MAN1A2: variants seen among roughly 807,000 people sequenced by gnomAD.
MAN1A2 encodes mannosyl-oligosaccharide 1,2-alpha-mannosidase IB.
Under a neutral mutation model 75.7 loss-of-function variants are expected in MAN1A2, and 26 were observed. The ratio of observed to expected loss-of-function variants is 0.34; its 90% CI spans 0.25 to 0.48. The LOEUF is 0.48. MAN1A2 is among the 20% of genes least tolerant of loss of function. The pLI is 0.99. For synonymous variants in MAN1A2, 247 were observed against 264.6 expected (o/e 0.93, Z 0.65); for missense variants, 562 against 775.5 (o/e 0.72, Z 3.27).
intron 3 of MAN1A2, among the ~76,000 whole-genome samples, chr1:117,405,847 T>C (rs372232325): frequency 1.3e-5 from 2 of 152,324 alleles, no homozygotes; most frequent in East Asian, 3.9e-4. Flanking sequence ...AGATTTTCTA[T>C]TTACATATGG....
intron 8 of MAN1A2, among the ~76,000 whole-genome samples, chr1:117,477,260 G>T (rs1272190772): frequency 6.6e-6 from 1 of 151,938 alleles, no homozygotes. Flanking sequence ...AGTAGAAAAA[G>T]AGGGAAATCC....
Position 117,526,880 on chromosome 1 carries a change from C to CTCTCTCTCTCTCTATATATATATATA in MAN1A2, c.*3924_*3925insCTCTCTCTCTCTATATATATATATAT. On this transcript the variant is annotated 3_prime_UTR_variant, in exon 13 of 13. Coordinates refer to ENST00000356554, the MANE Select transcript of MAN1A2 (RefSeq NM_006699.5). ...TCTCTCTCTCTCTCTCTCTCTCTCTCTATATATATATATATATATATATAT... is the reference window on the plus strand; with the variant it reads ...TCTCTCTCTCTCTCTCTCTCTCTCTCTCTCTCTCTCTCTATATATATATATATATATATATATATATATATATATAT... 10 of 54,514 alleles carry CTCTCTCTCTCTCTATATATATATATA rather than the reference C, an allele frequency of 1.8e-4. No individual in the cohort carries two copies. Among genetic ancestry groups the CTCTCTCTCTCTCTATATATATATATA allele is most frequent in the African/African-American group, 3.3e-4 (4 of 12,286 alleles). The allele number at this position is 54,514 out of a possible 1,614,324, so 3.4% of individuals were successfully genotyped here. A position where few individuals can be genotyped will look rare whatever the true frequency, so the allele number is the denominator to read the frequency against.
At chr1:117,519,455 A>C (rs1406273411) in intron 12 of MAN1A2, among the ~76,000 whole-genome samples, 6 of 152,052 alleles carry the variant, frequency 3.9e-5, no homozygotes, top group African/African-American at 1.4e-4. Context: ...AAGAAAAGAA[A>C]GAAAATTCAA....
chr1:117,509,864 C>A (rs1651476925), intron 12 of MAN1A2, among the ~76,000 whole-genome samples: 2 of 151,446 alleles, frequency 1.3e-5, no homozygotes, highest in African/African-American at 4.8e-5. Flanking sequence ...ATCTCACTTC[C>A]CAAAGAGAAT....
intron 6 of MAN1A2, among the ~76,000 whole-genome samples, chr1:117,442,811 G>T (rs1649080975): frequency 6.6e-6 from 1 of 151,646 alleles, no homozygotes; most frequent in Admixed American, 6.6e-5. Context: ...GATGTTGACT[G>T]CGGGGTTTTT....
intron 12 of MAN1A2, among the ~76,000 whole-genome samples, chr1:117,521,267 A>C (rs1651863959): frequency 6.6e-6 from 1 of 152,096 alleles, no homozygotes; most frequent in African/African-American, 2.4e-5. Context: ...TTCATGACCA[A>C]GAACCCAAAA....
At chr1:117,498,743 TTTAA>T (rs1651107927) in intron 10 of MAN1A2, among the ~76,000 whole-genome samples, 1 of 151,926 alleles carries the variant, frequency 6.6e-6, no homozygotes, top group African/African-American at 2.4e-5. Context: ...ATTTAGATCC[TTTAA>T]TTAAAAAGTA....
Position 117,414,838 on chromosome 1 carries a change from GTATGA to G in MAN1A2, c.774+9_774+13del. The G allele has an allele frequency of 6.8e-7, 1 of 1,478,102 alleles. No homozygotes were observed. The highest frequency in any genetic ancestry group is 1.1e-5 in the South Asian group (1 of 88,214). 91.6% of individuals were successfully genotyped at this position (1,478,102 alleles called of 1,614,324 possible). On this transcript the variant is annotated splice_region_variant and intron_variant, in intron 4 of 12. Coordinates refer to ENST00000356554, the MANE Select transcript of MAN1A2 (RefSeq NM_006699.5). ...CAACCTTGATTTCAGTGTGGTGAGT[GTATGA>G]TTGATAACTAATCTCTTAGATTAAC...
At chr1:117,436,988 G>C (rs1648870124) in intron 5 of MAN1A2, among the ~76,000 whole-genome samples, 1 of 152,158 alleles carries the variant, frequency 6.6e-6, no homozygotes, top group African/African-American at 2.4e-5. Flanking sequence ...TTTTAAGAGG[G>C]AAGTGTGTGT....
intron 6 of MAN1A2, among the ~76,000 whole-genome samples, chr1:117,447,986 A>G (rs1570752035): frequency 6.6e-6 from 1 of 152,284 alleles, no homozygotes; most frequent in East Asian, 1.9e-4. Context: ...TGGAAATAGC[A>G]TTGAATCTAT....
intron 6 of MAN1A2, among the ~76,000 whole-genome samples, chr1:117,450,575 C>T (rs1649377967): frequency 6.6e-6 from 1 of 152,168 alleles, no homozygotes; most frequent in South Asian, 2.1e-4. Flanking sequence ...GTCTTCATGG[C>T]AGCCCCTCCC....
At chr1:117,445,991 T>C (rs936477768) in intron 6 of MAN1A2, among the ~76,000 whole-genome samples, 1 of 148,318 alleles carries the variant, frequency 6.7e-6, no homozygotes, top group Non-Finnish European at 1.5e-5. Context: ...ATATATCTTA[T>C]ATTCAGATTT....
Position 117,405,584 on chromosome 1 carries a change from T to C in MAN1A2, c.594T>C (p.Tyr198=), listed in dbSNP as rs185490816. The stretch of plus-strand genomic sequence containing the variant: ...ATGCTTGGGATAACTATAGGACATA[T>C]GGGTGGGGACATAATGAACTCAGAC... ...MKHAWDNYRT[Y]GWGHNELRPI... is the part of the protein sequence containing the mutation. The change falls in exon 3 of 13, where the codon TAT becomes TAC. Residue 198 remains tyrosine (Y), a synonymous_variant. Coordinates refer to ENST00000356554, the MANE Select transcript of MAN1A2 (RefSeq NM_006699.5). The C allele has an allele frequency of 1.2e-6, 2 of 1,607,566 alleles. No individual in the cohort carries two copies. The highest frequency in any genetic ancestry group is 2.2e-5 in the East Asian group (1 of 44,754).
At chr1:117,439,608 C>G (rs1475746203) in intron 5 of MAN1A2, among the ~76,000 whole-genome samples, 2 of 152,070 alleles carry the variant, frequency 1.3e-5, no homozygotes, top group Non-Finnish European at 2.9e-5. Flanking sequence ...ATTCTCCGGC[C>G]TCAGCCTCCT....
At position 117,367,613 on chromosome 1, in the gene MAN1A2, C is replaced by A. The variant is rs929956668; in HGVS notation, c.-571C>A. The A allele has an allele frequency of 6.6e-6, 1 of 152,376 alleles. No individual in the cohort carries two copies. Among genetic ancestry groups the A allele is most frequent in the Non-Finnish European group, 1.5e-5 (1 of 68,138 alleles). 9.4% of individuals were successfully genotyped at this position (152,376 alleles called of 1,614,324 possible). A position where few individuals can be genotyped will look rare whatever the true frequency, so the allele number is the denominator to read the frequency against. On this transcript the variant is annotated 5_prime_UTR_variant, in exon 1 of 13. Coordinates refer to ENST00000356554, the MANE Select transcript of MAN1A2 (RefSeq NM_006699.5). ...GCCGGGAAGCGCGGGCGGCCGAGAA[C>A]TCCTTCCTGCTACTTCGCCCAGCGC...
chr1:117,458,527 T>A (rs12063924), intron 6 of MAN1A2, among the ~76,000 whole-genome samples: 11,048 of 115,108 alleles, frequency 0.096, 680 homozygotes, highest in Middle Eastern at 0.18. Flanking sequence ...ATATATATTT[T>A]TTTTTTTTTT....
chr1:117,492,314 A>G (rs186268163), intron 8 of MAN1A2, among the ~76,000 whole-genome samples: 2 of 152,232 alleles, frequency 1.3e-5, no homozygotes, highest in Admixed American at 1.3e-4. Context: ...GTCAGCAACC[A>G]TTATCATCAA....
At chr1:117,405,745 G>A in intron 3 of MAN1A2, 100 bp downstream of exon 3, 1 of 770,136 alleles carries the variant, frequency 1.3e-6, no homozygotes, top group East Asian at 2.5e-5. Flanking sequence ...GAGTATTTCT[G>A]TGGAACTATA....
intron 8 of MAN1A2, among the ~76,000 whole-genome samples, chr1:117,471,846 G>A (rs1233953985): frequency 6.6e-6 from 1 of 151,906 alleles, no homozygotes; most frequent in Non-Finnish European, 1.5e-5. Context: ...TATACCATAA[G>A]GTGTCATATT....
Sources: gnomAD v4.1 joint callset for allele counts (sites outside exome capture counted in the v4.1 genomes callset) on GRCh38, gnomAD v4.1.1 for gene constraint, MANE v1.5 for transcripts, NCBI Gene and HGNC (gene_info 2026-07-23, HGNC 2026-07-21) for gene names.